ASTN1: variants seen among roughly 807,000 people sequenced by gnomAD.
ASTN1 encodes astrotactin-1.
Under a neutral mutation model 140.7 loss-of-function variants are expected in ASTN1, and 41 were observed. That is an observed-to-expected ratio of 0.29 (90% CI 0.23 to 0.38). ASTN1 has a LOEUF of 0.38. Among genes scored for constraint, ASTN1 ranks in the 10% least tolerant of loss-of-function variants. The pLI, the probability that ASTN1 is intolerant of heterozygous loss-of-function variation, is 1.00. For synonymous variants in ASTN1, 640 were observed against 652.2 expected (o/e 0.98, Z 0.29); for missense variants, 1,479 against 1,678.8 (o/e 0.88, Z 2.08).
chr1:176,979,139 T>TTAAG (rs1673494386), intron 8 of ASTN1, among the ~76,000 whole-genome samples: 1 of 152,106 alleles, frequency 6.6e-6, no homozygotes, highest in Non-Finnish European at 1.5e-5. Flanking sequence ...AAAGTAAGGG[T>TTAAG]TAAGCCCTGG....
At chr1:177,159,584 G>A (rs1470946652) in intron 1 of ASTN1, among the ~76,000 whole-genome samples, 2 of 152,182 alleles carry the variant, frequency 1.3e-5, no homozygotes, top group Admixed American at 1.3e-4. Flanking sequence ...GAAAAGCTCA[G>A]TAACTGCTAT....
chr1:177,008,479 G>GAGGAAGAGAGAGAGGGAGAC (rs1553242847), intron 8 of ASTN1, among the ~76,000 whole-genome samples: 68,236 of 130,020 alleles, frequency 0.52, 19,208 homozygotes, highest in Non-Finnish European at 0.57. Context: ...GAGAGAGGGA[G>GAGGAAGAGAGAGAGGGAGAC]AGGAAGAGAG....
At chr1:177,098,949 A>T (rs533422313) in intron 1 of ASTN1, among the ~76,000 whole-genome samples, 10 of 152,288 alleles carry the variant, frequency 6.6e-5, no homozygotes, top group Non-Finnish European at 1.0e-4. Flanking sequence ...ATGAGCCTGT[A>T]AGTGCACTGC....
At chr1:176,881,838 A>C (rs1260049398) in intron 20 of ASTN1, among the ~76,000 whole-genome samples, 1 of 152,218 alleles carries the variant, frequency 6.6e-6, no homozygotes, top group Non-Finnish European at 1.5e-5. Flanking sequence ...AATCAATGCC[A>C]CTCAAATTTC....
At position 177,018,166 on chromosome 1, in the gene ASTN1, A is replaced by G. The variant is rs115039060; in HGVS notation, c.1439-3291T>C. 6.1e-3 allele frequency among the ~76,000 whole-genome samples: 929 copies of G among 152,302 alleles called. 9 individuals are homozygous for G. The highest frequency in any genetic ancestry group is 0.021 in the African/African-American group (866 of 41,548). ...TCGAAAGGAGGCAAGTCCAGGGTCA[A>G]ATAGCCCCAAGCAACTCTGGGAAGG... On this transcript the variant is annotated intron_variant, in intron 7 of 22. Transcript: ENST00000361833.
In ASTN1 at chr1:176,957,703, C is replaced by A. The variant is rs770355300; in HGVS notation, c.1862G>T (p.Arg621Leu). The change falls in exon 11 of 23, where the codon CGC becomes CTC. Residue 621 changes from arginine (R) to leucine (L), a missense_variant. Coordinates refer to ENST00000361833, the MANE Select transcript of ASTN1 (RefSeq NM_004319.3). ...CACGCAACCAGTGGAGTCCAGCTTGCGATCTGAAATACAGCGGAAATTCTT... is the reference window on the plus strand; with the variant it reads ...CACGCAACCAGTGGAGTCCAGCTTGAGATCTGAAATACAGCGGAAATTCTT... ...CSKNFRCISD[R>L]KLDSTGCVCP... 1.9e-6 allele frequency: 3 copies of A among 1,614,038 alleles called. No individual in the cohort carries two copies. Among genetic ancestry groups the A allele is most frequent in the African/African-American group, 2.7e-5 (2 of 75,028 alleles).
intron 16 of ASTN1, among the ~76,000 whole-genome samples, chr1:176,929,048 T>C (rs1328172761): frequency 6.6e-6 from 1 of 152,140 alleles, no homozygotes; most frequent in Non-Finnish European, 1.5e-5. Context: ...ACCTAAACTG[T>C]ACAGAAGCAA....
chr1:177,127,796 AT>A (rs1200015093), intron 1 of ASTN1, among the ~76,000 whole-genome samples: 3 of 152,204 alleles, frequency 2.0e-5, no homozygotes, highest in African/African-American at 7.2e-5. Flanking sequence ...ATGGCATCGC[AT>A]TTTGATGATT....
intron 11 of ASTN1, 59 bp from the exon 12 acceptor site, chr1:176,949,410 G>A (rs1672098241): frequency 1.3e-6 from 2 of 1,547,868 alleles, no homozygotes; most frequent in Non-Finnish European, 1.8e-6. Context: ...AGTTCTCTGG[G>A]AACTGAGTGT....
At chr1:177,127,156 G>C (rs1461850170) in intron 1 of ASTN1, among the ~76,000 whole-genome samples, 1 of 151,338 alleles carries the variant, frequency 6.6e-6, no homozygotes, top group Non-Finnish European at 1.5e-5. Flanking sequence ...TTTAAAAAAA[G>C]AAATTATTCT....
intron 16 of ASTN1, among the ~76,000 whole-genome samples, chr1:176,914,993 T>C (rs1264973519): frequency 6.6e-6 from 1 of 152,038 alleles, no homozygotes; most frequent in Non-Finnish European, 1.5e-5. Flanking sequence ...AAATCACAAA[T>C]AGACAAAAAA....
chr1:176,988,016 T>G (rs752526020), intron 8 of ASTN1, among the ~76,000 whole-genome samples: 2 of 152,080 alleles, frequency 1.3e-5, no homozygotes, highest in Non-Finnish European at 2.9e-5. Context: ...TTTATACAGG[T>G]CAAGAATGAT....
At chr1:177,073,112 A>G (rs2102059218) in intron 1 of ASTN1, among the ~76,000 whole-genome samples, 1 of 152,242 alleles carries the variant, frequency 6.6e-6, no homozygotes, top group East Asian at 1.9e-4. Flanking sequence ...GAAATTAGGG[A>G]GAGGTATACA....
At chr1:176,935,540 A>C (rs1400952912) in intron 15 of ASTN1, among the ~76,000 whole-genome samples, 2 of 152,128 alleles carry the variant, frequency 1.3e-5, no homozygotes, top group Non-Finnish European at 2.9e-5. Context: ...CTATATCCTC[A>C]ATGCATTATC....
chr1:176,893,564 C>T (rs1054900337), intron 17 of ASTN1, among the ~76,000 whole-genome samples: 3 of 152,172 alleles, frequency 2.0e-5, no homozygotes, highest in African/African-American at 7.2e-5. Flanking sequence ...ACACACACAC[C>T]TACAAAATCC....
chr1:177,025,717 C>T (rs1676074531), intron 5 of ASTN1, among the ~76,000 whole-genome samples: 1 of 152,124 alleles, frequency 6.6e-6, no homozygotes, highest in Admixed American at 6.5e-5. Context: ...TGCTTTCTTA[C>T]AATAAGCCTA....
At chr1:177,122,608 C>T (rs1056079385) in intron 1 of ASTN1, among the ~76,000 whole-genome samples, 2 of 152,154 alleles carry the variant, frequency 1.3e-5, no homozygotes, top group Non-Finnish European at 2.9e-5. Flanking sequence ...AAGACTAGGG[C>T]GACAGTCCCG....
Position 177,126,574 on chromosome 1 carries a change from C to T in ASTN1, c.283+37820G>A, listed in dbSNP as rs542115422. 1.4e-4 allele frequency among the ~76,000 whole-genome samples: 21 copies of T among 152,322 alleles called. No homozygotes were observed. The South Asian group carries it at 1.7e-3, about 12-fold the overall frequency. On this transcript the variant is annotated intron_variant, in intron 1 of 22. Coordinates refer to ENST00000361833, the MANE Select transcript of ASTN1 (RefSeq NM_004319.3). ...AAGGGGCCAAGTGGATAAACAGTTG[C>T]TCCTTCCTCTTTTCCATGGACGGCC...
At chr1:176,940,988 T>G (rs965930630) in intron 14 of ASTN1, among the ~76,000 whole-genome samples, 1 of 152,212 alleles carries the variant, frequency 6.6e-6, no homozygotes, top group Non-Finnish European at 1.5e-5. Flanking sequence ...GCAGAACCTG[T>G]TTATGAATGG....
Sources: gnomAD v4.1 joint callset for allele counts (sites outside exome capture counted in the v4.1 genomes callset) on GRCh38, gnomAD v4.1.1 for gene constraint, MANE v1.5 for transcripts, NCBI Gene and HGNC (gene_info 2026-07-23, HGNC 2026-07-21) for gene names.